The following MRC2 variants were observed in gnomAD, a reference collection of about 807,000 sequenced individuals.
MRC2 encodes mannose receptor C-type 2, also known as C-type mannose receptor 2.
MRC2 carries 84 observed loss-of-function variants against 206.2 expected under a neutral mutation model. The observed-to-expected ratio is 0.41, with a 90% confidence interval of 0.34 to 0.49. The LOEUF is 0.49. Ranked by LOEUF, MRC2 falls within the 20% of genes least tolerant of loss-of-function variation. The pLI, the probability that MRC2 is intolerant of heterozygous loss-of-function variation, is 0.31. For synonymous variants in MRC2, 798 were observed against 800.0 expected, an observed-to-expected ratio of 1.00 and a Z score of 0.04; for missense variants, 1,676 against 2,001.5, an observed-to-expected ratio of 0.84 and a Z score of 3.10.
chr17:62,655,950 C>T (rs924298057), intron 1 of MRC2, among the ~76,000 whole-genome samples: 8 of 152,016 alleles, frequency 5.3e-5, no homozygotes, highest in Admixed American at 2.0e-4. Flanking sequence ...AATGCAGTGG[C>T]GTGATTATAG....
At chr17:62,678,236 C>A (rs1443812443) in intron 12 of MRC2, among the ~76,000 whole-genome samples, 1 of 152,204 alleles carries the variant, frequency 6.6e-6, no homozygotes, top group African/African-American at 2.4e-5. Flanking sequence ...AAGGGACTTA[C>A]CCACGTTAAG....
intron 1 of MRC2, among the ~76,000 whole-genome samples, chr17:62,630,613 G>A (rs182603343): frequency 1.6e-3 from 243 of 152,268 alleles, no homozygotes; most frequent in Non-Finnish European, 2.1e-3. Flanking sequence ...GCTGGCTGTG[G>A]GGAACCCCAG....
chr17:62,629,695 G>C (rs2084201165), intron 1 of MRC2, among the ~76,000 whole-genome samples: 1 of 152,224 alleles, frequency 6.6e-6, no homozygotes, highest in Non-Finnish European at 1.5e-5. Flanking sequence ...TGGGAAGCCT[G>C]TTCAGAGCCT....
chr17:62,664,249 G>A lies in MRC2; in HGVS notation c.119-299G>A, dbSNP rs558524320. On this transcript the variant is annotated intron_variant, in intron 1 of 29. Transcript: ENST00000303375. The surrounding 1 kb of genome is among the most constrained non-coding windows in gnomAD (Gnocchi z 4.7). ...GCTGGGATTACAGGCGTGAGCCACC[G>A]CGCCCGGCCTGGGTTTGCTTTTGAG... is the stretch of plus-strand genomic sequence containing the variant. Among the ~76,000 whole-genome samples, 3 of 152,054 alleles carry A rather than the reference G, an allele frequency of 2.0e-5. No individual in the cohort carries two copies. The highest frequency in any genetic ancestry group is 1.9e-4 in the East Asian group (1 of 5,172).
At chr17:62,677,755 T>C (rs1385508721) in intron 12 of MRC2, among the ~76,000 whole-genome samples, 1 of 152,096 alleles carries the variant, frequency 6.6e-6, no homozygotes, top group Non-Finnish European at 1.5e-5. Context: ...GGGAACCTGA[T>C]AAAAATAAAA....
chr17:62,680,159 G>C lies in MRC2; in HGVS notation c.2299-11G>C. ...CCTCACGTTCCTCTTCCCTCCACCCGCCTCCTCCAGTTCTCTTACCACAAT... is the reference window on the plus strand; with the variant it reads ...CCTCACGTTCCTCTTCCCTCCACCCCCCTCCTCCAGTTCTCTTACCACAAT... On this transcript the variant is annotated splice_polypyrimidine_tract_variant and intron_variant, in intron 14 of 29. Transcript: ENST00000303375. The surrounding 1 kb of genome is among the most constrained non-coding windows in gnomAD (Gnocchi z 4.8). 1 of 1,613,964 alleles carries C rather than the reference G, an allele frequency of 6.2e-7. No homozygotes were observed. The highest frequency in any genetic ancestry group is 8.5e-7 in the Non-Finnish European group (1 of 1,179,950).
chr17:62,668,390 AAAAAAAAAAAG>A (rs2088784643), intron 6 of MRC2, among the ~76,000 whole-genome samples: 2 of 146,302 alleles, frequency 1.4e-5, no homozygotes, highest in Middle Eastern at 3.4e-3. Context: ...AAATAAATTT[AAAAAAAAAAAG>A]AAAAAAGAAA....
chr17:62,676,870 G>A (rs1453112428), intron 11 of MRC2, among the ~76,000 whole-genome samples: 1 of 152,190 alleles, frequency 6.6e-6, no homozygotes, highest in Admixed American at 6.5e-5. Flanking sequence ...CTCTATCTGG[G>A]CTCACAAAAA....
intron 1 of MRC2, among the ~76,000 whole-genome samples, chr17:62,649,415 A>C (rs545276632): frequency 1.3e-3 from 205 of 152,248 alleles, no homozygotes; most frequent in African/African-American, 4.7e-3. Context: ...ACATGGCGAA[A>C]CCCCGTCTCT....
intron 20 of MRC2, among the ~76,000 whole-genome samples, chr17:62,683,545 A>G (rs55633372): frequency 0.016 from 2,347 of 146,244 alleles, 19 homozygotes; most frequent in Non-Finnish European, 0.024. Context: ...TAGTGGTATG[A>G]AAACATTTTT....
At chr17:62,687,191 G>A (rs1054618527) in intron 20 of MRC2, among the ~76,000 whole-genome samples, 3 of 151,560 alleles carry the variant, frequency 2.0e-5, no homozygotes, top group Admixed American at 6.6e-5. Context: ...ACAGAGTTTC[G>A]CTCTTGTTGC....
In MRC2 at chr17:62,679,855, C is replaced by G; in HGVS notation, c.2251C>G (p.Arg751Gly). 1.9e-6 allele frequency: 3 copies of G among 1,612,702 alleles called. No homozygotes were observed. Among genetic ancestry groups the G allele is most frequent in the Non-Finnish European group, 1.7e-6 (2 of 1,179,412 alleles). Reference sequence around the variant, plus strand: ...CTGGTTCTGGATCGGCCTGAACCGTCGGGATCCCAGAGGGGGTCAGAGTTG... The same window carrying G: ...CTGGTTCTGGATCGGCCTGAACCGTGGGGATCCCAGAGGGGGTCAGAGTTG... ...QHWFWIGLNR[R>G]DPRGGQSWRW... Residue 751 changes from arginine (R) to glycine (G), a missense_variant, in exon 14 of 30, where the codon CGG (arginine) becomes GGG (glycine). This residue lies in a region of MRC2 where 1,354 missense variants were observed against 1,636.6 expected (regional missense o/e 0.83). Transcript: ENST00000303375.
rs143179241 is a variant in MRC2, at chr17:62,690,288, G to A, written c.3875G>A (p.Arg1292Gln). Residue 1292 changes from arginine to glutamine, a missense_variant, in exon 26 of 30, where the codon CGA becomes CAA. Physicochemically the swap from Arg to Gln is conservative, Grantham distance 43. Around this residue, in one of 3 missense-constraint regions of MRC2, gnomAD observed 1,354 missense variants for 1,636.6 expected, o/e 0.83. Coordinates refer to ENST00000303375, the MANE Select transcript of MRC2 (RefSeq NM_006039.5). ...MELLLGHKEA[R>Q]QRCQRAGGAV... Reference sequence around the variant, plus strand: ...CTGCTGCTGGGCCACAAGGAGGCGCGACAGCGCTGCCAGAGAGGTGGGTGA... The same window carrying A: ...CTGCTGCTGGGCCACAAGGAGGCGCAACAGCGCTGCCAGAGAGGTGGGTGA... The A allele has an allele frequency of 1.3e-3, 2,065 of 1,611,622 alleles. 2 individuals carry two copies. The highest frequency in any genetic ancestry group is 1.6e-3 in the Non-Finnish European group (1,867 of 1,178,708).
In MRC2 at chr17:62,690,234, G is replaced by A. The variant is rs762227374; in HGVS notation, c.3821G>A (p.Arg1274Gln). The A allele has an allele frequency of 2.9e-5, 46 of 1,613,308 alleles. No individual in the cohort carries two copies. The highest frequency in any genetic ancestry group is 3.5e-5 in the Non-Finnish European group (41 of 1,179,722). ...GLADSAWIPFREHCYSFHMEL... is the reference protein window; with the variant it reads ...GLADSAWIPFQEHCYSFHMEL... ...GCAGACTCCGCGTGGATTCCCTTCC[G>A]GGAGCACTGCTATTCTTTCCACATG... is the stretch of plus-strand genomic sequence containing the variant. Residue 1274 changes from arginine (R) to glutamine (Q), a missense_variant, in exon 26 of 30, where the codon CGG (arginine) becomes CAG (glutamine). By Grantham distance (43) the Arg-to-Gln change is conservative. Around this residue, in one of 3 missense-constraint regions of MRC2, gnomAD observed 1,354 missense variants for 1,636.6 expected, o/e 0.83. Coordinates refer to ENST00000303375, the MANE Select transcript of MRC2 (RefSeq NM_006039.5).
intron 10 of MRC2, among the ~76,000 whole-genome samples, 164 bp from the exon 11 acceptor site, chr17:62,676,219 T>G (rs964024179): frequency 6.6e-5 from 10 of 152,160 alleles, no homozygotes; most frequent in African/African-American, 2.4e-4. Flanking sequence ...AAGGGGCAGC[T>G]GGGGGTTCCA....
chr17:62,643,327 CAAAA>C (rs59698063), intron 1 of MRC2, among the ~76,000 whole-genome samples: 2 of 44,170 alleles, frequency 4.5e-5, no homozygotes, highest in South Asian at 1.0e-3. Flanking sequence ...GAAACTCCGT[CAAAA>C]AAAAAAAAAA....
chr17:62,679,998 G>C (rs907318686), intron 14 of MRC2, 96 bp downstream of exon 14: 5 of 1,458,242 alleles, frequency 3.4e-6, no homozygotes, highest in Non-Finnish European at 3.7e-6. Flanking sequence ...GTTTTCTTGA[G>C]GGCCGGGCCC....
rs557999479 is a variant in MRC2, at chr17:62,674,731, G to A, written c.1569+561G>A. ...GGGGGTGTCAAGGAATGAAAGCTGT[G>A]TAAGTGAGTGGGGGGTGAGTGACTG... On this transcript the variant is annotated intron_variant, in intron 9 of 29. Coordinates refer to ENST00000303375, the MANE Select transcript of MRC2 (RefSeq NM_006039.5). 2.6e-5 allele frequency among the ~76,000 whole-genome samples: 4 copies of A among 151,804 alleles called. No homozygotes were observed. The East Asian group carries it at 7.8e-4, about 29-fold the overall frequency.
intron 1 of MRC2, 91 bp downstream of exon 1, chr17:62,628,011 C>G (rs972060511): frequency 1.8e-5 from 15 of 826,348 alleles, no homozygotes; most frequent in Middle Eastern, 2.4e-4. Context: ...CCTTTTCCCC[C>G]CTCTTTTCTC....
Sources: gnomAD v4.1 joint callset for allele counts (sites outside exome capture counted in the v4.1 genomes callset) on GRCh38, gnomAD v4.1.1 for gene constraint, gnomAD v4.1.1 regional missense constraint, Gnocchi (gnomAD v3.1) non-coding constraint, MANE v1.5 for transcripts, NCBI Gene and HGNC (gene_info 2026-07-23, HGNC 2026-07-21) for gene names.